NELL1: variants seen among roughly 807,000 people sequenced by gnomAD.
The protein encoded by NELL1 is protein kinase C-binding protein NELL1.
NELL1 carries 76 observed loss-of-function variants against 107.4 expected under a neutral mutation model. The ratio of observed to expected loss-of-function variants is 0.71; its 90% CI spans 0.59 to 0.86. The LOEUF (loss-of-function observed/expected upper bound fraction) is 0.86, where lower values mean the gene tolerates loss of function less well. Among genes scored for constraint, NELL1 ranks in the 40% least tolerant of loss-of-function variants. NELL1 has a pLI of 0.00. For synonymous variants in NELL1, 353 were observed against 341.2 expected (o/e 1.03, Z -0.38); for missense variants, 1,024 against 1,005.5 (o/e 1.02, Z -0.25).
At chr11:20,910,021 A>T (rs183916710) in intron 5 of NELL1, among the ~76,000 whole-genome samples, 7 of 152,230 alleles carry the variant, frequency 4.6e-5, no homozygotes, top group Admixed American at 4.6e-4. Flanking sequence ...AATTGTGTTG[A>T]TAAGGATCGG....
At chr11:21,387,106 C>T (rs889880803) in intron 15 of NELL1, among the ~76,000 whole-genome samples, 4 of 151,828 alleles carry the variant, frequency 2.6e-5, no homozygotes, top group African/African-American at 9.7e-5. Context: ...GGCGTTTGCA[C>T]CTAGTGTTCT....
chr11:21,537,437 TTCTC>T (rs1856166738), intron 16 of NELL1, among the ~76,000 whole-genome samples: 2 of 152,126 alleles, frequency 1.3e-5, no homozygotes. Context: ...GCCTTTACTG[TTCTC>T]TCTGTCTGGA....
At chr11:21,496,405 CTTG>C (rs1180715906) in intron 15 of NELL1, among the ~76,000 whole-genome samples, 2 of 141,260 alleles carry the variant, frequency 1.4e-5, no homozygotes, top group Admixed American at 7.2e-5. Context: ...TTATTCTTCT[CTTG>C]TTTTTTTTTT....
intron 14 of NELL1, among the ~76,000 whole-genome samples, chr11:21,267,359 TG>T (rs912028986): frequency 1.3e-5 from 2 of 152,092 alleles, no homozygotes; most frequent in African/African-American, 4.8e-5. Flanking sequence ...GTATTACCTG[TG>T]GGGGTTTGAA....
rs1300933701 is a variant in NELL1, at chr11:20,978,918, G to T, written c.1300+18358G>T. On this transcript the variant is annotated intron_variant, in intron 12 of 19. Coordinates refer to ENST00000357134, the MANE Select transcript of NELL1 (RefSeq NM_006157.5). ...TCTAATTATTATCAACATTATTGAT[G>T]CTTACTGCTTAGTGTGATGGGACAT... Among the ~76,000 whole-genome samples the T allele has an allele frequency of 3.9e-5, 6 of 152,190 alleles. No homozygotes were observed. In the East Asian group the frequency reaches 1.2e-3, roughly 29 times the overall value.
intron 15 of NELL1, among the ~76,000 whole-genome samples, chr11:21,390,714 T>C (rs1851855600): frequency 6.6e-6 from 1 of 151,866 alleles, no homozygotes; most frequent in African/African-American, 2.4e-5. Flanking sequence ...TTACCTAATT[T>C]TGTTATTGCT....
chr11:20,957,666 A>G (rs1331743572), intron 11 of NELL1, among the ~76,000 whole-genome samples: 1 of 152,194 alleles, frequency 6.6e-6, no homozygotes, highest in Non-Finnish European at 1.5e-5. Flanking sequence ...GGAAATTTAA[A>G]AAAATGAAAG....
At chr11:20,886,598 A>T (rs1849513838) in intron 5 of NELL1, among the ~76,000 whole-genome samples, 1 of 152,146 alleles carries the variant, frequency 6.6e-6, no homozygotes, top group Non-Finnish European at 1.5e-5. Context: ...TTTTATTTTT[A>T]AAAAATTAAG....
chr11:21,061,026 C>A (rs1403603639), intron 12 of NELL1, among the ~76,000 whole-genome samples: 1 of 152,178 alleles, frequency 6.6e-6, no homozygotes, highest in Non-Finnish European at 1.5e-5. Context: ...TGAGCCACCA[C>A]GCCTGGCCCC....
chr11:21,098,425 G>T (rs192387235), intron 12 of NELL1, among the ~76,000 whole-genome samples: 18 of 152,160 alleles, frequency 1.2e-4, no homozygotes, highest in Non-Finnish European at 2.5e-4. Flanking sequence ...TAACCTCATC[G>T]CCCAGCATAG....
At chr11:21,283,112 C>T (rs913340667) in intron 14 of NELL1, among the ~76,000 whole-genome samples, 14 of 152,046 alleles carry the variant, frequency 9.2e-5, no homozygotes, top group African/African-American at 2.7e-4. Context: ...TATTCACTAG[C>T]ACAACAGAGT....
intron 12 of NELL1, among the ~76,000 whole-genome samples, chr11:21,099,234 A>AACACACACACACAC (rs1554967542): frequency 1.6e-5 from 1 of 64,004 alleles, no homozygotes; most frequent in African/African-American, 8.1e-5. Flanking sequence ...CACACACACA[A>AACACACACACACAC]ACACACACAC....
chr11:20,948,106 G>A (rs1292013137), intron 11 of NELL1, among the ~76,000 whole-genome samples: 3 of 152,068 alleles, frequency 2.0e-5, no homozygotes, highest in Non-Finnish European at 4.4e-5. Context: ...GCAGTGGTAC[G>A]ATCATAGCTC....
At chr11:20,746,861 G>A (rs1302031154) in intron 2 of NELL1, among the ~76,000 whole-genome samples, 2 of 152,150 alleles carry the variant, frequency 1.3e-5, no homozygotes, top group African/African-American at 2.4e-5. Flanking sequence ...ATATCCTGAA[G>A]GCTGGAAACA....
At chr11:20,941,828 G>T (rs1448579569) in intron 10 of NELL1, among the ~76,000 whole-genome samples, 4 of 152,136 alleles carry the variant, frequency 2.6e-5, no homozygotes, top group Non-Finnish European at 5.9e-5. Flanking sequence ...GAAGGGTATA[G>T]TCCTAGGAAT....
At chr11:21,344,942 A>G (rs1850653401) in intron 14 of NELL1, among the ~76,000 whole-genome samples, 1 of 152,138 alleles carries the variant, frequency 6.6e-6, no homozygotes. Flanking sequence ...AATTTTAATA[A>G]TTTTTATTGA....
intron 13 of NELL1, among the ~76,000 whole-genome samples, chr11:21,116,186 C>G (rs1257763191): frequency 6.6e-6 from 1 of 151,994 alleles, no homozygotes; most frequent in Non-Finnish European, 1.5e-5. Flanking sequence ...GCAGGGCTGA[C>G]CACACCTTGC....
chr11:21,528,851 CA>C (rs1855925131), intron 15 of NELL1, among the ~76,000 whole-genome samples: 1 of 152,012 alleles, frequency 6.6e-6, no homozygotes, highest in Non-Finnish European at 1.5e-5. Flanking sequence ...TGACTTTTAG[CA>C]AAAAACTTCT....
At chr11:20,905,534 TAA>T (rs1170335328) in intron 5 of NELL1, among the ~76,000 whole-genome samples, 4 of 151,892 alleles carry the variant, frequency 2.6e-5, no homozygotes, top group South Asian at 2.1e-4. Flanking sequence ...GATAAAGAAA[TAA>T]GTCACGAAAA....
Sources: allele counts gnomAD v4.1 joint callset (sites outside exome capture counted in the v4.1 genomes callset), GRCh38; gene constraint gnomAD v4.1.1; transcripts MANE v1.5; gene names NCBI Gene and HGNC (gene_info 2026-07-23, HGNC 2026-07-21).